The following SOS2 variants were observed in gnomAD, a reference collection of about 807,000 sequenced individuals.
SOS2 encodes the protein son of sevenless homolog 2.
Under a neutral mutation model 148.2 loss-of-function variants are expected in SOS2, and 65 were observed. The ratio of observed to expected loss-of-function variants is 0.44; its 90% CI spans 0.36 to 0.54. The LOEUF is 0.54. Among genes scored for constraint, SOS2 ranks in the 20% least tolerant of loss-of-function variants. The pLI is 0.00. For synonymous variants in SOS2, 539 were observed against 537.1 expected (o/e 1.00, Z -0.05); for missense variants, 1,341 against 1,590.2 (o/e 0.84, Z 2.67).
At chr14:50,143,073 T>C (rs972357257) in intron 16 of SOS2, among the ~76,000 whole-genome samples, 7 of 152,162 alleles carry the variant, frequency 4.6e-5, no homozygotes, top group African/African-American at 1.7e-4. Context: ...TATACATTTT[T>C]TAAATTAAAA....
At chr14:50,180,374 A>C (rs979852278) in intron 7 of SOS2, among the ~76,000 whole-genome samples, 198 bp downstream of exon 7, 1 of 148,192 alleles carries the variant, frequency 6.7e-6, no homozygotes, top group Non-Finnish European at 1.5e-5. Flanking sequence ...ATGATGTTGT[A>C]CTATAAAAGA....
intron 4 of SOS2, among the ~76,000 whole-genome samples, chr14:50,196,734 T>C (rs1408653434): frequency 1.3e-5 from 2 of 152,152 alleles, no homozygotes; most frequent in East Asian, 3.8e-4. Flanking sequence ...TCCATAAATA[T>C]ATACAACTAT....
rs962260114 is a variant in SOS2 at position 50,126,361 on chromosome 14, A to C, written c.3379+3600T>G. Among the ~76,000 whole-genome samples the C allele has an allele frequency of 3.9e-5, 6 of 152,306 alleles. 1 individual carries two copies. The highest frequency in any genetic ancestry group is 1.4e-4 in the African/African-American group (6 of 41,570). Reference sequence around the variant, plus strand: ...CTATAGTCACTGAAACTTTGCATCCATTGACTAAAGTCTCCCCTTTCCTGG... The same window carrying C: ...CTATAGTCACTGAAACTTTGCATCCCTTGACTAAAGTCTCCCCTTTCCTGG... On this transcript the variant is annotated intron_variant, in intron 21 of 22. Transcript: ENST00000216373.
At chr14:50,148,216 A>T (rs1047939421) in intron 14 of SOS2, among the ~76,000 whole-genome samples, 1 of 151,938 alleles carries the variant, frequency 6.6e-6, no homozygotes, top group Non-Finnish European at 1.5e-5. Context: ...GTTCGTGACC[A>T]CTGTGGCCAA....
chr14:50,226,149 AAC>A (rs776548326), intron 1 of SOS2, among the ~76,000 whole-genome samples: 12 of 152,302 alleles, frequency 7.9e-5, no homozygotes, highest in Admixed American at 2.0e-4. Flanking sequence ...CCGTATCAAG[AAC>A]AGTGTCTGCA....
chr14:50,208,023 C>T (rs1013908049), intron 1 of SOS2, among the ~76,000 whole-genome samples: 3 of 152,102 alleles, frequency 2.0e-5, no homozygotes, highest in East Asian at 3.8e-4. Flanking sequence ...GGGCCCGGCA[C>T]GGAGGCTCAC....
intron 1 of SOS2, among the ~76,000 whole-genome samples, chr14:50,223,744 G>T (rs548823909): frequency 1.3e-5 from 2 of 152,010 alleles, no homozygotes; most frequent in African/African-American, 2.4e-5. Flanking sequence ...ATATGGGGGC[G>T]GCAGGGGGGT....
chr14:50,159,091 G>A (rs780540249), intron 10 of SOS2, among the ~76,000 whole-genome samples: 3 of 152,052 alleles, frequency 2.0e-5, no homozygotes, highest in Non-Finnish European at 2.9e-5. Flanking sequence ...TCGGGAGGCT[G>A]AGGCAGGAGA....
intron 17 of SOS2, 97 bp downstream of exon 17, chr14:50,139,845 G>T: frequency 1.7e-6 from 1 of 575,866 alleles, no homozygotes; most frequent in Non-Finnish European, 3.2e-6. Context: ...AAGTAGATGA[G>T]CTCAGATATA....
intron 12 of SOS2, among the ~76,000 whole-genome samples, chr14:50,154,424 T>C (rs1199138271): frequency 6.6e-6 from 1 of 152,176 alleles, no homozygotes; most frequent in Non-Finnish European, 1.5e-5. Context: ...GTTTTGGCAG[T>C]TTCTTTCAAA....
intron 8 of SOS2, among the ~76,000 whole-genome samples, chr14:50,173,875 G>A (rs964725858): frequency 3.3e-5 from 5 of 152,074 alleles, no homozygotes; most frequent in African/African-American, 1.2e-4. Flanking sequence ...TAAAAATAAG[G>A]TTCATGTCTT....
chr14:50,161,242 G>A (rs1362420917), intron 9 of SOS2, among the ~76,000 whole-genome samples: 1 of 151,132 alleles, frequency 6.6e-6, no homozygotes, highest in Non-Finnish European at 1.5e-5. Context: ...GCAGGTTGCA[G>A]TGAGCTGAGA....
At chr14:50,135,642 CTTTTTTTTTTTTT>C (rs56043962) in intron 18 of SOS2, among the ~76,000 whole-genome samples, 2 of 82,574 alleles carry the variant, frequency 2.4e-5, no homozygotes, top group East Asian at 3.6e-4. Flanking sequence ...ATGTGGTTTG[CTTTTTTTTTTTTT>C]TTTTTTTTTG....
chr14:50,224,606 G>T (rs1335428007), intron 1 of SOS2, among the ~76,000 whole-genome samples: 2 of 151,968 alleles, frequency 1.3e-5, no homozygotes, highest in African/African-American at 4.8e-5. Flanking sequence ...GTAGTTTTTG[G>T]CAGGCAGGTG....
chr14:50,218,145 A>G (rs1007936288), intron 1 of SOS2, among the ~76,000 whole-genome samples: 1 of 150,882 alleles, frequency 6.6e-6, no homozygotes, highest in Non-Finnish European at 1.5e-5. Flanking sequence ...AAAACAAAAA[A>G]AAAAAAAGAA....
chr14:50,210,001 TA>T (rs1055830557), intron 1 of SOS2, among the ~76,000 whole-genome samples: 2 of 152,178 alleles, frequency 1.3e-5, no homozygotes, highest in Non-Finnish European at 2.9e-5. Flanking sequence ...GTTGTTTTGC[TA>T]AAAATGCCAA....
chr14:50,160,533 C>T (rs532547750), intron 9 of SOS2, among the ~76,000 whole-genome samples: 2 of 151,822 alleles, frequency 1.3e-5, no homozygotes, highest in South Asian at 4.2e-4. Flanking sequence ...ATTACAGGTG[C>T]CTGCCACCAC....
intron 10 of SOS2, 27 bp from the exon 11 acceptor site, chr14:50,158,673 T>C (rs1191958414): frequency 1.4e-6 from 2 of 1,440,196 alleles, no homozygotes; most frequent in East Asian, 2.3e-5. Flanking sequence ...TAAAATAGGT[T>C]TCATGTTTAA....
In SOS2 at chr14:50,189,853, T is replaced by TTA. The variant is rs1566472758; in HGVS notation, c.511-1154_511-1153insTA. 3.2e-5 allele frequency among the ~76,000 whole-genome samples: 4 copies of TTA among 125,656 alleles called. No homozygotes were observed. In the South Asian group the frequency reaches 9.3e-4, roughly 29 times the overall value. 82.4% of individuals were successfully genotyped at this position (125,656 alleles called of 152,430 possible). ...AGTTGACTATACTTTATTTTTTATT[T>TTA]TTTTTTTTTTTGTGAGACACAGTCT... On this transcript the variant is annotated intron_variant, in intron 4 of 22. Coordinates refer to ENST00000216373, the MANE Select transcript of SOS2 (RefSeq NM_006939.4).
Sources: gnomAD v4.1 joint callset for allele counts (sites outside exome capture counted in the v4.1 genomes callset) on GRCh38, gnomAD v4.1.1 for gene constraint, MANE v1.5 for transcripts, NCBI Gene and HGNC (gene_info 2026-07-23, HGNC 2026-07-21) for gene names.